The following RBMS2 variants were observed in gnomAD, a reference collection of about 807,000 sequenced individuals.
RBMS2 encodes the protein RNA-binding motif, single-stranded-interacting protein 2.
RBMS2 carries 38 observed loss-of-function variants against 58.4 expected under a neutral mutation model. That is an observed-to-expected ratio of 0.65 (90% CI 0.50 to 0.85). The LOEUF is 0.85. Ranked by LOEUF, RBMS2 falls within the 40% of genes least tolerant of loss-of-function variation. The pLI is 0.00. For missense variants in RBMS2, 367 were observed against 503.7 expected, an observed-to-expected ratio of 0.73 and a Z score of 2.60; for synonymous variants, 151 against 180.7, an observed-to-expected ratio of 0.84 and a Z score of 1.32.
intron 1 of RBMS2, among the ~76,000 whole-genome samples, chr12:56,530,421 T>A (rs1873520127): frequency 7.5e-6 from 1 of 134,126 alleles, no homozygotes; most frequent in African/African-American, 2.8e-5. Context: ...AACACAGTGG[T>A]GCAATCATGG....
At position 56,533,408 on chromosome 12, in the gene RBMS2, CTTTTTTT is replaced by C. The variant is rs1164155079; in HGVS notation, c.66+11338_66+11344del. On this transcript the variant is annotated intron_variant, in intron 1 of 13. Coordinates refer to ENST00000262031, the MANE Select transcript of RBMS2 (RefSeq NM_002898.4). ...TGAGCCGCGGCACCCAGCCCTATTA[CTTTTTTT>C]TTTTTTTTTTTTTTTTTTGAGACGG... Among the ~76,000 whole-genome samples, 34 of 65,304 alleles carry C rather than the reference CTTTTTTT, an allele frequency of 5.2e-4. 1 individual carries two copies. Among genetic ancestry groups the C allele is most frequent in the East Asian group, 3.1e-3 (6 of 1,958 alleles). 42.8% of individuals were successfully genotyped at this position (65,304 alleles called of 152,430 possible).
At chr12:56,531,163 T>C (rs1873655957) in intron 1 of RBMS2, among the ~76,000 whole-genome samples, 1 of 152,204 alleles carries the variant, frequency 6.6e-6, no homozygotes, top group Non-Finnish European at 1.5e-5. Context: ...ATTTAGGTAA[T>C]TGTCTTATCT....
chr12:56,536,648 A>G (rs1425326150), intron 1 of RBMS2, among the ~76,000 whole-genome samples: 1 of 147,236 alleles, frequency 6.8e-6, no homozygotes, highest in African/African-American at 2.5e-5. Flanking sequence ...GCTCACTGCA[A>G]CCTCCACCTG....
At chr12:56,552,764 C>CCT (rs2136354723) in intron 1 of RBMS2, among the ~76,000 whole-genome samples, 1 of 151,936 alleles carries the variant, frequency 6.6e-6, no homozygotes, top group Admixed American at 6.6e-5. Context: ...CTTGCTTGAG[C>CCT]CTGGGAGGTC....
chr12:56,589,065 G>A, intron 13 of RBMS2, 47 bp downstream of exon 13: 1 of 1,613,102 alleles, frequency 6.2e-7, no homozygotes, highest in Non-Finnish European at 8.5e-7. Flanking sequence ...CTGGCAGACA[G>A]CAGCTCAGCC....
At chr12:56,533,142 C>G (rs1874078342) in intron 1 of RBMS2, among the ~76,000 whole-genome samples, 2 of 151,734 alleles carry the variant, frequency 1.3e-5, no homozygotes, top group South Asian at 4.2e-4. Context: ...ACTCTGTCAT[C>G]CAGAGTGGAG....
chr12:56,539,177 A>G (rs1875602683), intron 1 of RBMS2, among the ~76,000 whole-genome samples: 1 of 151,846 alleles, frequency 6.6e-6, no homozygotes, highest in Non-Finnish European at 1.5e-5. Context: ...CACCACGCCC[A>G]GCTAACTTTT....
chr12:56,543,269 C>T (rs893364767), intron 1 of RBMS2, among the ~76,000 whole-genome samples: 4 of 150,860 alleles, frequency 2.7e-5, no homozygotes, highest in African/African-American at 4.9e-5. Flanking sequence ...GATCACCTGA[C>T]GTCAGGAGTT....
intron 1 of RBMS2, among the ~76,000 whole-genome samples, chr12:56,555,742 A>T (rs1879120865): frequency 6.6e-6 from 1 of 152,004 alleles, no homozygotes; most frequent in Non-Finnish European, 1.5e-5. Context: ...GGTGCCTACC[A>T]CCATGCCCAG....
intron 1 of RBMS2, among the ~76,000 whole-genome samples, chr12:56,527,640 A>G (rs1872900661): frequency 6.6e-6 from 1 of 151,886 alleles, no homozygotes; most frequent in African/African-American, 2.4e-5. Flanking sequence ...AACAAAAACA[A>G]AAACAAAAAA....
In RBMS2 at chr12:56,588,373, A is replaced by G. The variant is rs753613023; in HGVS notation, c.1142A>G (p.Glu381Gly). Residue 381 changes from glutamate (E) to glycine (G), a missense_variant and splice_region_variant, in exon 12 of 14, where the codon GAG (glutamate) becomes GGG (glycine). Coordinates refer to ENST00000262031, the MANE Select transcript of RBMS2 (RefSeq NM_002898.4). ...GTGCCTTCTTCCAGTGTTTCAGTCG[A>G]GGTAAGGGTGTTATCATTTCTTTGG... ...TPVPSSSVSVEESSGQQNQVA... is the reference protein window; with the variant it reads ...TPVPSSSVSVGESSGQQNQVA... 6 of 1,609,714 alleles carry G rather than the reference A, an allele frequency of 3.7e-6. No individual in the cohort carries two copies. The highest frequency in any genetic ancestry group is 5.1e-6 in the Non-Finnish European group (6 of 1,176,430).
intron 9 of RBMS2, among the ~76,000 whole-genome samples, chr12:56,583,803 G>A (rs932665168): frequency 2.0e-5 from 3 of 152,066 alleles, no homozygotes; most frequent in Non-Finnish European, 2.9e-5. Flanking sequence ...CATATGCTTT[G>A]TCCATGTTTC....
rs753823224 is a variant in RBMS2 at position 56,589,237 on chromosome 12, G to A, written c.*104G>A. 86 of 1,483,016 alleles carry A rather than the reference G, an allele frequency of 5.8e-5. No individual in the cohort carries two copies. Among genetic ancestry groups the A allele is most frequent in the Admixed American group, 1.6e-4 (8 of 49,048 alleles). 91.9% of individuals were successfully genotyped at this position (1,483,016 alleles called of 1,614,324 possible). ...TAACCAGGAATGGAGACCATCCGTC[G>A]GCCCTGCTAAGGACTAACACTTAGC... is the stretch of plus-strand genomic sequence containing the variant. On this transcript the variant is annotated 3_prime_UTR_variant, in exon 14 of 14. Coordinates refer to ENST00000262031, the MANE Select transcript of RBMS2 (RefSeq NM_002898.4).
At chr12:56,537,007 G>A (rs997353549) in intron 1 of RBMS2, among the ~76,000 whole-genome samples, 3 of 148,680 alleles carry the variant, frequency 2.0e-5, no homozygotes, top group East Asian at 2.0e-4. Flanking sequence ...TGCAACCTCC[G>A]CCTCCCAGGT....
At chr12:56,540,598 T>G (rs553880674) in intron 1 of RBMS2, among the ~76,000 whole-genome samples, 31 of 152,124 alleles carry the variant, frequency 2.0e-4, no homozygotes, top group Non-Finnish European at 3.1e-4. Flanking sequence ...CAGACTGATC[T>G]CGAACTCCTG....
Position 56,590,157 on chromosome 12 carries a change from G to C in RBMS2, c.*1024G>C, listed in dbSNP as rs1321352825. On this transcript the variant is annotated 3_prime_UTR_variant, in exon 14 of 14. Transcript: ENST00000262031. ...ACAGCATCTGAGGTATAGCTTTTTG[G>C]GAGTACCTGCTTTCTTGCCTCCTGG... The C allele has an allele frequency of 6.6e-6, 1 of 152,246 alleles. No individual in the cohort carries two copies. Among genetic ancestry groups the C allele is most frequent in the African/African-American group, 2.4e-5 (1 of 41,432 alleles). 9.4% of individuals were successfully genotyped at this position (152,246 alleles called of 1,614,324 possible).
intron 1 of RBMS2, among the ~76,000 whole-genome samples, chr12:56,534,948 A>G (rs771830789): frequency 3.8e-4 from 58 of 152,078 alleles, no homozygotes; most frequent in Non-Finnish European, 4.0e-4. Context: ...GCCCCAGTAA[A>G]TGTTTATTTC....
intron 1 of RBMS2, among the ~76,000 whole-genome samples, chr12:56,536,646 C>T (rs537196872): frequency 6.6e-6 from 1 of 151,446 alleles, no homozygotes; most frequent in Admixed American, 6.6e-5. Context: ...TGGCTCACTG[C>T]AACCTCCACC....
At chr12:56,521,500 C>CTTTTTT (rs1871713749), upstream of RBMS2, among the ~76,000 whole-genome samples, 3 of 92,462 alleles carry the variant, frequency 3.2e-5, no homozygotes, top group African/African-American at 1.4e-4. Context: ...CACTCTAACT[C>CTTTTTT]TGTTTTTTTT....
Sources: gnomAD v4.1 joint callset for allele counts (sites outside exome capture counted in the v4.1 genomes callset) on GRCh38, gnomAD v4.1.1 for gene constraint, MANE v1.5 for transcripts, NCBI Gene and HGNC (gene_info 2026-07-23, HGNC 2026-07-21) for gene names.